The following SGIP1 variants were observed in gnomAD, a reference collection of about 807,000 sequenced individuals.
SGIP1 encodes SH3-containing GRB2-like protein 3-interacting protein 1.
In SGIP1, 38 loss-of-function variants were observed where a neutral mutation model predicts 107.5. The ratio of observed to expected loss-of-function variants is 0.35; its 90% CI spans 0.27 to 0.46. The LOEUF (loss-of-function observed/expected upper bound fraction) is 0.46, where lower values mean the gene tolerates loss of function less well. Among genes scored for constraint, SGIP1 ranks in the 20% least tolerant of loss-of-function variants. The pLI is 1.00. For missense variants in SGIP1, 929 were observed against 1,019.5 expected (o/e 0.91, Z 1.21); for synonymous variants, 365 against 366.1 (o/e 1.00, Z 0.03).
chr1:66,706,424 T>C (rs1408716707), intron 18 of SGIP1, among the ~76,000 whole-genome samples: 2 of 143,930 alleles, frequency 1.4e-5, no homozygotes, highest in African/African-American at 2.5e-5. Context: ...ATATATATGA[T>C]ATAATTTATA....
intron 17 of SGIP1, 163 bp from the exon 18 acceptor site, chr1:66,695,271 A>AAAAAAAAAAAAAGT: frequency 7.5e-7 from 1 of 1,325,974 alleles, no homozygotes; most frequent in Non-Finnish European, 9.9e-7. Flanking sequence ...AAAAAAAAAA[A>AAAAAAAAAAAAAGT]GTGTAGATTG....
intron 1 of SGIP1, among the ~76,000 whole-genome samples, chr1:66,575,637 T>G (rs1324131873): frequency 6.6e-6 from 1 of 152,180 alleles, no homozygotes; most frequent in Non-Finnish European, 1.5e-5. Flanking sequence ...AGAAAAATGA[T>G]AGTGGTCCAG....
chr1:66,663,676 G>T (rs181024002), intron 8 of SGIP1, among the ~76,000 whole-genome samples: 82 of 152,162 alleles, frequency 5.4e-4, no homozygotes, highest in African/African-American at 1.8e-3. Flanking sequence ...ATCAGCCTGT[G>T]ACTACATGAA....
intron 9 of SGIP1, among the ~76,000 whole-genome samples, chr1:66,668,926 T>G (rs2083177727): frequency 6.6e-6 from 1 of 152,246 alleles, no homozygotes; most frequent in Admixed American, 6.5e-5. Context: ...GCTTTTTTCC[T>G]GAATGTGGTT....
intron 1 of SGIP1, among the ~76,000 whole-genome samples, chr1:66,603,717 G>T (rs114611422): frequency 6.6e-6 from 1 of 152,100 alleles, no homozygotes; most frequent in Admixed American, 6.6e-5. Flanking sequence ...GAATAAATTA[G>T]TTAGAAAAAG....
At chr1:66,597,218 A>C (rs1057192112) in intron 1 of SGIP1, among the ~76,000 whole-genome samples, 6 of 152,006 alleles carry the variant, frequency 3.9e-5, no homozygotes, top group Non-Finnish European at 7.4e-5. Context: ...CCCAACCTCC[A>C]CCCTGAAGTA....
intron 1 of SGIP1, among the ~76,000 whole-genome samples, chr1:66,583,819 C>A (rs1200055833): frequency 1.3e-5 from 2 of 152,142 alleles, no homozygotes; most frequent in Non-Finnish European, 2.9e-5. Flanking sequence ...ATCTTTGATG[C>A]CGTCTCTCCT....
intron 1 of SGIP1, among the ~76,000 whole-genome samples, chr1:66,560,705 T>C (rs1444637276): frequency 6.6e-6 from 1 of 152,050 alleles, no homozygotes; most frequent in Admixed American, 6.6e-5. Flanking sequence ...CTAATAAATG[T>C]TACTTTTTAA....
chr1:66,632,722 G>A (rs954063094), intron 2 of SGIP1, among the ~76,000 whole-genome samples: 4 of 151,444 alleles, frequency 2.6e-5, no homozygotes, highest in African/African-American at 9.7e-5. Flanking sequence ...GAGCCAGCTA[G>A]AGTGGGACAG....
At chr1:66,619,762 C>T (rs1032719098) in intron 1 of SGIP1, among the ~76,000 whole-genome samples, 2 of 152,182 alleles carry the variant, frequency 1.3e-5, no homozygotes, top group Non-Finnish European at 2.9e-5. Context: ...TCAGTTTCTG[C>T]CTACAGAATG....
At chr1:66,708,981 A>G (rs1434075631) in intron 18 of SGIP1, among the ~76,000 whole-genome samples, 3 of 150,478 alleles carry the variant, frequency 2.0e-5, no homozygotes, top group African/African-American at 7.3e-5. Context: ...AATCATTCGA[A>G]TTTTTTTTTC....
chr1:66,576,417 A>G (rs190809715), intron 1 of SGIP1, among the ~76,000 whole-genome samples: 62 of 152,320 alleles, frequency 4.1e-4, no homozygotes, highest in African/African-American at 1.2e-3. Context: ...GCCGCATAAA[A>G]GCTTTATGAA....
rs112108524 is a variant in SGIP1 at position 66,744,358 on chromosome 1, A to G, written c.*1263A>G. On this transcript the variant is annotated 3_prime_UTR_variant, in exon 25 of 25. Coordinates refer to ENST00000371037, the MANE Select transcript of SGIP1 (RefSeq NM_032291.4). ...TTCATCGTTGCAAGGTATAATAAAA[A>G]CTGTAATTATTCAATCTGGCCCTGC... 4 of 152,150 alleles carry G rather than the reference A, an allele frequency of 2.6e-5. No homozygotes were observed. Among genetic ancestry groups the G allele is most frequent in the African/African-American group, 9.7e-5 (4 of 41,450 alleles). 9.4% of individuals were successfully genotyped at this position (152,150 alleles called of 1,614,324 possible).
At chr1:66,734,205 T>G (rs1309743280) in intron 21 of SGIP1, among the ~76,000 whole-genome samples, 2 of 152,154 alleles carry the variant, frequency 1.3e-5, no homozygotes, top group African/African-American at 4.8e-5. Context: ...ATAATTTTGT[T>G]AAGAACATTA....
intron 19 of SGIP1, among the ~76,000 whole-genome samples, chr1:66,727,198 G>T (rs149841974): frequency 6.6e-6 from 1 of 152,170 alleles, no homozygotes; most frequent in Non-Finnish European, 1.5e-5. Flanking sequence ...TTCCCAGAAT[G>T]TATAAAGAAA....
chr1:66,726,312 C>G (rs753203792), intron 19 of SGIP1, among the ~76,000 whole-genome samples: 4 of 152,148 alleles, frequency 2.6e-5, no homozygotes, highest in Admixed American at 6.5e-5. Context: ...TTAATTTTCT[C>G]AGAGCAGTCA....
At chr1:66,634,071 T>G (rs1322031328) in intron 3 of SGIP1, 1 of 1,598,374 alleles carries the variant, frequency 6.3e-7, no homozygotes, top group South Asian at 1.1e-5. Context: ...TAATCAAGGC[T>G]CTATTCAGCA....
intron 1 of SGIP1, among the ~76,000 whole-genome samples, chr1:66,540,007 T>A (rs2054534486): frequency 6.6e-6 from 1 of 152,188 alleles, no homozygotes; most frequent in South Asian, 2.1e-4. Flanking sequence ...ACTTAACATG[T>A]TTATTAATTG....
intron 18 of SGIP1, among the ~76,000 whole-genome samples, chr1:66,710,209 C>A (rs948016531): frequency 6.6e-6 from 1 of 152,074 alleles, no homozygotes; most frequent in African/African-American, 2.4e-5. Context: ...CAGGAGCACA[C>A]TTACCTTTTC....
Sources: gnomAD v4.1 joint callset for allele counts (sites outside exome capture counted in the v4.1 genomes callset) on GRCh38, gnomAD v4.1.1 for gene constraint, MANE v1.5 for transcripts, NCBI Gene and HGNC (gene_info 2026-07-23, HGNC 2026-07-21) for gene names.